Variants in CA8 observed in about 807,000 individuals in gnomAD.
The protein encoded by CA8 is carbonic anhydrase 8 (inactive).
A neutral mutation model predicts 41.4 loss-of-function variants in CA8; 22 were observed. The ratio of observed to expected loss-of-function variants is 0.53; its 90% CI spans 0.38 to 0.76. The LOEUF is 0.76. Among genes scored for constraint, CA8 ranks in the 30% least tolerant of loss-of-function variants. The probability of loss-of-function intolerance (pLI) is 0.00; values close to 1 mark genes in which losing one functional copy is unlikely to be tolerated. For missense variants in CA8, 270 were observed against 352.8 expected (o/e 0.77, Z 1.88); for synonymous variants, 121 against 130.6 (o/e 0.93, Z 0.50).
chr8:60,262,355 T>A (rs899283018), intron 3 of CA8, among the ~76,000 whole-genome samples: 198 of 114,824 alleles, frequency 1.7e-3, no homozygotes, highest in African/African-American at 6.2e-3. Flanking sequence ...AAAAAAAAAA[T>A]CATATAGCAT....
chr8:60,271,020 A>G lies in CA8; in HGVS notation c.293-4971T>C, dbSNP rs145730462. Among the ~76,000 whole-genome samples the G allele has an allele frequency of 6.3e-3, 963 of 152,334 alleles. 45 individuals carry two copies. The highest frequency in any genetic ancestry group is 0.053 in the Admixed American group (815 of 15,294). ...GACAGGAACTAACCAGGTAATTCAA[A>G]TGCACCAAAATTAGCCAATAATAAA... is the stretch of plus-strand genomic sequence containing the variant. On this transcript the variant is annotated intron_variant, in intron 2 of 8. Coordinates refer to ENST00000317995, the MANE Select transcript of CA8 (RefSeq NM_004056.6).
intron 7 of CA8, among the ~76,000 whole-genome samples, chr8:60,217,607 T>G (rs1237899053): frequency 6.6e-6 from 1 of 152,234 alleles, no homozygotes; most frequent in East Asian, 1.9e-4. Context: ...ACCCCTTTCT[T>G]GGATGTCTTA....
intron 5 of CA8, among the ~76,000 whole-genome samples, chr8:60,224,855 C>T (rs1157845485): frequency 2.6e-5 from 4 of 152,066 alleles, no homozygotes; most frequent in African/African-American, 9.7e-5. Flanking sequence ...CCATCTGCCC[C>T]ATGTCAGTTA....
chr8:60,226,945 A>G lies in CA8; in HGVS notation c.514-10T>C, dbSNP rs1807461719. On this transcript the variant is annotated splice_polypyrimidine_tract_variant and intron_variant, in intron 4 of 8. Transcript: ENST00000317995. ...CATGTTCCTTTCCTATCTGAAAAAC[A>G]TAAAGCATAAACCACAACCACAACA... 1.9e-6 allele frequency: 3 copies of G among 1,589,692 alleles called. No individual in the cohort carries two copies. The highest frequency in any genetic ancestry group is 1.7e-6 in the Non-Finnish European group (2 of 1,158,532).
intron 2 of CA8, among the ~76,000 whole-genome samples, chr8:60,274,977 C>G (rs1440261693): frequency 1.3e-5 from 2 of 152,108 alleles, no homozygotes; most frequent in African/African-American, 4.8e-5. Context: ...CATGCATGGT[C>G]AGGCATGATG....
intron 8 of CA8, among the ~76,000 whole-genome samples, chr8:60,194,360 TCAC>T (rs1401486022): frequency 6.6e-6 from 1 of 152,136 alleles, no homozygotes; most frequent in African/African-American, 2.4e-5. Flanking sequence ...TATTACACCA[TCAC>T]CACTGGATAA....
chr8:60,256,783 AATC>A (rs957584267), intron 3 of CA8, among the ~76,000 whole-genome samples: 7 of 152,292 alleles, frequency 4.6e-5, no homozygotes, highest in Admixed American at 2.0e-4. Flanking sequence ...ATGCATGCAT[AATC>A]ATCATAATAA....
intron 7 of CA8, among the ~76,000 whole-genome samples, chr8:60,212,298 GCTACTT>G (rs1408769899): frequency 6.6e-6 from 1 of 152,150 alleles, no homozygotes; most frequent in African/African-American, 2.4e-5. Context: ...GCAGTTTAGG[GCTACTT>G]AACTTTCAGG....
chr8:60,191,604 T>G (rs1806133564), intron 8 of CA8, among the ~76,000 whole-genome samples: 1 of 152,160 alleles, frequency 6.6e-6, no homozygotes, highest in African/African-American at 2.4e-5. Context: ...ACATCCAGGA[T>G]TCTCCAGATA....
chr8:60,258,707 T>C (rs930122654), intron 3 of CA8, among the ~76,000 whole-genome samples: 1 of 152,100 alleles, frequency 6.6e-6, no homozygotes, highest in African/African-American at 2.4e-5. Context: ...CTAGGGGTGA[T>C]GGGAGACAGT....
intron 7 of CA8, among the ~76,000 whole-genome samples, chr8:60,218,891 C>A: frequency 6.6e-6 from 1 of 152,134 alleles, no homozygotes. Context: ...CGGCAGTGAG[C>A]ATGGCCCTCA....
intron 3 of CA8, among the ~76,000 whole-genome samples, chr8:60,254,366 G>A (rs189881970): frequency 3.9e-5 from 6 of 152,186 alleles, no homozygotes; most frequent in South Asian, 4.2e-4. Flanking sequence ...CATGGCCAAC[G>A]GTACAGCCTT....
chr8:60,197,117 T>C (rs1403138150), intron 8 of CA8, among the ~76,000 whole-genome samples: 2 of 152,156 alleles, frequency 1.3e-5, no homozygotes, highest in Admixed American at 1.3e-4. Flanking sequence ...TGGATTACAA[T>C]AAAACTCTTT....
At chr8:60,224,122 C>T (rs1307416512) in intron 6 of CA8, among the ~76,000 whole-genome samples, 1 of 152,186 alleles carries the variant, frequency 6.6e-6, no homozygotes, top group Admixed American at 6.5e-5. Flanking sequence ...CACTTTGTCA[C>T]CCAGGCTGGA....
chr8:60,256,436 G>T (rs992601019), intron 3 of CA8, among the ~76,000 whole-genome samples: 1 of 152,120 alleles, frequency 6.6e-6, no homozygotes. Context: ...GAGGACTCAC[G>T]GTATGTTGTT....
chr8:60,189,893 GACAA>G lies in CA8; in HGVS notation c.*124_*127del, dbSNP rs1043570602. 4 of 151,480 alleles carry G rather than the reference GACAA, an allele frequency of 2.6e-5. No individual in the cohort carries two copies. The highest frequency in any genetic ancestry group is 4.4e-5 in the Non-Finnish European group (3 of 67,888). The allele number at this position is 151,480 out of a possible 1,614,324, so 9.4% of individuals were successfully genotyped here. A position where few individuals can be genotyped will look rare whatever the true frequency, so the allele number is the denominator to read the frequency against. Reference sequence around the variant, plus strand: ...GTCCATCAAAGCTGGATTAGATGAAGACAAACAACGCAGGCTTTGAGGATAAACT... The same window carrying G: ...GTCCATCAAAGCTGGATTAGATGAAGACAACGCAGGCTTTGAGGATAAACT... On this transcript the variant is annotated 3_prime_UTR_variant, in exon 9 of 9. Transcript: ENST00000317995.
rs1808148543 is a variant in CA8, at chr8:60,244,414, T to G, written c.418-12035A>C. Among the ~76,000 whole-genome samples the G allele has an allele frequency of 2.0e-5, 3 of 152,332 alleles. No individual in the cohort carries two copies. In the South Asian group the frequency reaches 6.2e-4, roughly 32 times the overall value. On this transcript the variant is annotated intron_variant, in intron 3 of 8. Coordinates refer to ENST00000317995, the MANE Select transcript of CA8 (RefSeq NM_004056.6). ...TCCAACCTCCTTCACACGCAATGCA[T>G]TCACTAAATGAATATATCTTTTTAC...
At chr8:60,202,376 ATC>A (rs1355628852) in intron 8 of CA8, among the ~76,000 whole-genome samples, 3 of 151,916 alleles carry the variant, frequency 2.0e-5, no homozygotes, top group African/African-American at 7.3e-5. Flanking sequence ...TATTGATAAA[ATC>A]TTCAAAAAGC....
intron 7 of CA8, among the ~76,000 whole-genome samples, chr8:60,220,606 A>G (rs944303884): frequency 1.8e-4 from 28 of 152,126 alleles, no homozygotes; most frequent in African/African-American, 6.5e-4. Flanking sequence ...CTTAGTTCCT[A>G]AGAAGGCATC....
Sources: allele counts gnomAD v4.1 joint callset (sites outside exome capture counted in the v4.1 genomes callset), GRCh38; gene constraint gnomAD v4.1.1; transcripts MANE v1.5; gene names NCBI Gene and HGNC (gene_info 2026-07-23, HGNC 2026-07-21).